The following IMMP2L variants were observed in gnomAD, a reference collection of about 807,000 sequenced individuals.
IMMP2L encodes the protein mitochondrial inner membrane protease subunit 2.
A neutral mutation model predicts 19.3 loss-of-function variants in IMMP2L; 18 were observed. The ratio of observed to expected loss-of-function variants is 0.93; its 90% CI spans 0.64 to 1.38. The LOEUF (loss-of-function observed/expected upper bound fraction) is 1.38. Among genes scored for constraint, IMMP2L ranks in the 40% most tolerant of loss-of-function variants. The pLI, the probability that IMMP2L is intolerant of heterozygous loss-of-function variation, is 0.00. For missense variants in IMMP2L, 233 were observed against 218.2 expected, an observed-to-expected ratio of 1.07 and a Z score of -0.43; for synonymous variants, 76 against 73.0, an observed-to-expected ratio of 1.04 and a Z score of -0.21.
chr7:111,303,973 G>C (rs377177587), intron 3 of IMMP2L, among the ~76,000 whole-genome samples: 1 of 151,402 alleles, frequency 6.6e-6, no homozygotes, highest in Admixed American at 6.6e-5. Context: ...AGTTGTATAG[G>C]AAAAGAAAAA....
intron 3 of IMMP2L, among the ~76,000 whole-genome samples, chr7:111,458,109 T>G (rs963922543): frequency 3.3e-5 from 5 of 152,204 alleles, no homozygotes; most frequent in Non-Finnish European, 7.3e-5. Flanking sequence ...CAGGGCACGG[T>G]GGTTCACGCC....
chr7:111,082,133 T>C (rs1251720919), intron 3 of IMMP2L, among the ~76,000 whole-genome samples: 1 of 152,210 alleles, frequency 6.6e-6, no homozygotes, highest in Admixed American at 6.5e-5. Flanking sequence ...ACTCTGAACA[T>C]GTGTTTGTTT....
chr7:111,096,505 A>AT (rs1797409429), intron 3 of IMMP2L, among the ~76,000 whole-genome samples: 1 of 43,420 alleles, frequency 2.3e-5, no homozygotes, highest in Admixed American at 2.7e-4. Context: ...CCTGAGTTAA[A>AT]TTTAAAAAAA....
chr7:110,813,267 G>A (rs1195368252), intron 5 of IMMP2L, among the ~76,000 whole-genome samples: 1 of 151,826 alleles, frequency 6.6e-6, no homozygotes, highest in Non-Finnish European at 1.5e-5. Context: ...GAATTCATTT[G>A]AGCAAAAATT....
chr7:111,434,455 G>GAA (rs111684183), intron 3 of IMMP2L, among the ~76,000 whole-genome samples: 3 of 140,494 alleles, frequency 2.1e-5, no homozygotes, highest in African/African-American at 5.2e-5. Context: ...TTTTCCACAA[G>GAA]AAAAAAAAAA....
chr7:110,706,764 G>A (rs1029528031), intron 5 of IMMP2L, among the ~76,000 whole-genome samples: 5 of 151,998 alleles, frequency 3.3e-5, no homozygotes, highest in African/African-American at 1.2e-4. Flanking sequence ...CAGGTGCATA[G>A]GTTGTGAATA....
chr7:111,044,406 C>T (rs1002568498), intron 3 of IMMP2L, among the ~76,000 whole-genome samples: 5 of 151,932 alleles, frequency 3.3e-5, no homozygotes, highest in Non-Finnish European at 7.4e-5. Flanking sequence ...CTAAAAAATA[C>T]AAAAATTAGC....
At chr7:110,931,268 A>G (rs532147031) in intron 4 of IMMP2L, among the ~76,000 whole-genome samples, 22 of 152,328 alleles carry the variant, frequency 1.4e-4, no homozygotes, top group African/African-American at 4.8e-4. Context: ...GCTCTCCTGT[A>G]AACAAATGGA....
chr7:111,454,375 G>A (rs1332109165), intron 3 of IMMP2L, among the ~76,000 whole-genome samples: 1 of 151,958 alleles, frequency 6.6e-6, no homozygotes, highest in Non-Finnish European at 1.5e-5. Context: ...TTTTGAAAAA[G>A]TATATATTTT....
At chr7:110,838,299 G>A (rs73194899) in intron 5 of IMMP2L, among the ~76,000 whole-genome samples, 7,164 of 152,080 alleles carry the variant, frequency 0.047, 205 homozygotes, top group Middle Eastern at 0.12. Flanking sequence ...AGAAGTAGAC[G>A]TTTTATTATA....
chr7:111,096,762 A>C (rs957002291), intron 3 of IMMP2L, among the ~76,000 whole-genome samples: 2 of 151,958 alleles, frequency 1.3e-5, no homozygotes, highest in African/African-American at 4.8e-5. Flanking sequence ...GTGTCAACAT[A>C]AAAGCAACTT....
intron 3 of IMMP2L, among the ~76,000 whole-genome samples, chr7:111,400,594 G>A (rs1833329880): frequency 6.6e-6 from 1 of 151,998 alleles, no homozygotes; most frequent in African/African-American, 2.4e-5. Flanking sequence ...CTATGGATCA[G>A]CCATCTATAT....
chr7:110,876,391 G>T (rs1809068562), intron 5 of IMMP2L, among the ~76,000 whole-genome samples: 1 of 152,090 alleles, frequency 6.6e-6, no homozygotes, highest in Non-Finnish European at 1.5e-5. Flanking sequence ...TGGAATATTT[G>T]CCTATAAGCT....
At chr7:111,347,203 T>C (rs1379681143) in intron 3 of IMMP2L, among the ~76,000 whole-genome samples, 2 of 151,936 alleles carry the variant, frequency 1.3e-5, no homozygotes, top group South Asian at 2.1e-4. Flanking sequence ...GTGACAGGCA[T>C]ACAGATAGCA....
intron 3 of IMMP2L, among the ~76,000 whole-genome samples, chr7:111,002,592 G>T (rs145256124): frequency 1.2e-3 from 176 of 152,204 alleles, no homozygotes; most frequent in African/African-American, 4.1e-3. Flanking sequence ...TATGGGATGG[G>T]ATATGAAGAG....
chr7:111,509,439 A>T (rs1845242332), intron 2 of IMMP2L, among the ~76,000 whole-genome samples: 1 of 152,096 alleles, frequency 6.6e-6, no homozygotes, highest in African/African-American at 2.4e-5. Flanking sequence ...AAAAGTTAAC[A>T]TGCTCCACTC....
chr7:110,885,380 T>C (rs1188768717), intron 5 of IMMP2L, among the ~76,000 whole-genome samples: 2 of 151,932 alleles, frequency 1.3e-5, no homozygotes, highest in East Asian at 1.9e-4. Context: ...AGTATAGATA[T>C]GTCTGCCTTT....
chr7:110,875,669 A>G (rs1228444674), intron 5 of IMMP2L, among the ~76,000 whole-genome samples: 1 of 152,160 alleles, frequency 6.6e-6, no homozygotes, highest in Non-Finnish European at 1.5e-5. Context: ...TCAGTGGGGA[A>G]TAGGCAGAAG....
At chr7:111,388,331 A>G (rs1481134600) in intron 3 of IMMP2L, among the ~76,000 whole-genome samples, 1 of 152,018 alleles carries the variant, frequency 6.6e-6, no homozygotes, top group Admixed American at 6.6e-5. Context: ...TACTGAGGAT[A>G]ATGGGAGCCA....
Sources: allele counts gnomAD v4.1 joint callset (sites outside exome capture counted in the v4.1 genomes callset), GRCh38; gene constraint gnomAD v4.1.1; transcripts MANE v1.5; gene names NCBI Gene and HGNC (gene_info 2026-07-23, HGNC 2026-07-21).